Variants in ZNF516 observed in about 807,000 individuals in gnomAD.
ZNF516 encodes zinc finger protein 516.
ZNF516 carries 19 observed loss-of-function variants against 79.7 expected under a neutral mutation model. The ratio of observed to expected loss-of-function variants is 0.24; its 90% confidence interval spans 0.17 to 0.35. The LOEUF (loss-of-function observed/expected upper bound fraction) is 0.35, where lower values mean the gene tolerates loss of function less well. ZNF516 is among the 10% of genes least tolerant of loss of function. The probability of loss-of-function intolerance (pLI) is 1.00; values close to 1 mark genes in which losing one functional copy is unlikely to be tolerated. For synonymous variants in ZNF516, 877 were observed against 739.5 expected (o/e 1.19, Z -3.02); for missense variants, 1,678 against 1,679.5 (o/e 1.00, Z 0.02).
intron 3 of ZNF516, among the ~76,000 whole-genome samples, chr18:76,438,821 GA>G (rs760238610): frequency 7.2e-5 from 11 of 152,188 alleles, no homozygotes; most frequent in Non-Finnish European, 1.3e-4. Context: ...GGTATTACTG[GA>G]ATGGTCGCAT....
rs1437921239 is a variant in ZNF516, at chr18:76,459,291, G to A, written c.-158+3737C>T. 1.3e-5 allele frequency among the ~76,000 whole-genome samples: 2 copies of A among 152,180 alleles called. No individual in the cohort carries two copies. The highest frequency in any genetic ancestry group is 4.8e-5 in the African/African-American group (2 of 41,438). On this transcript the variant is annotated intron_variant, in intron 2 of 6. Coordinates refer to ENST00000443185, the MANE Select transcript of ZNF516 (RefSeq NM_014643.4). This position sits in a 1 kb window ranked among gnomAD's most constrained non-coding sequence, Gnocchi z 5.0. ...CTGCTGGAGGCACACTGGACCCAGT[G>A]CCAGCTCGGGAAATCCTGGGCCGGT... is the stretch of plus-strand genomic sequence containing the variant.
At chr18:76,405,940 G>C (rs1328637329) in intron 3 of ZNF516, among the ~76,000 whole-genome samples, 1 of 152,048 alleles carries the variant, frequency 6.6e-6, no homozygotes, top group African/African-American at 2.4e-5. Context: ...GCTTCTGCAC[G>C]GACTGATCAG....
At chr18:76,443,707 G>T (rs997839241) in intron 2 of ZNF516, among the ~76,000 whole-genome samples, 8 of 152,210 alleles carry the variant, frequency 5.3e-5, no homozygotes, top group African/African-American at 1.9e-4. Flanking sequence ...CTTAGCCAAT[G>T]GGATACGAGC....
In ZNF516 at chr18:76,492,687, A is replaced by G. The variant is rs184581367; in HGVS notation, c.-272+2457T>C. On this transcript the variant is annotated intron_variant, in intron 1 of 6. Transcript: ENST00000443185. ...CGTGCCCAGGCACCAAGGCCAGAGA[A>G]ACCGCACGTTTCGAGTCCCCAGTTG... 30 of 979,878 alleles carry G rather than the reference A, an allele frequency of 3.1e-5. No homozygotes were observed. In the East Asian group the frequency reaches 3.2e-3, roughly 104 times the overall value. The allele number at this position is 979,878 out of a possible 1,614,324, so 60.7% of individuals were successfully genotyped here.
chr18:76,395,832 G>A (rs956572278), intron 3 of ZNF516, among the ~76,000 whole-genome samples: 1 of 152,212 alleles, frequency 6.6e-6, no homozygotes, highest in Non-Finnish European at 1.5e-5. Context: ...GGCCGTGAGG[G>A]TGGGCCAGCC....
At chr18:76,448,437 C>T (rs910278308) in intron 2 of ZNF516, among the ~76,000 whole-genome samples, 25 of 152,208 alleles carry the variant, frequency 1.6e-4, no homozygotes, top group African/African-American at 4.3e-4. Flanking sequence ...TCCTGACACA[C>T]GCCCCGGTAA....
At chr18:76,460,825 C>G (rs1018138793) in intron 2 of ZNF516, among the ~76,000 whole-genome samples, 1 of 152,204 alleles carries the variant, frequency 6.6e-6, no homozygotes, top group East Asian at 1.9e-4. Context: ...ATGATCGCCT[C>G]GCTTGTTCAT....
chr18:76,388,475 G>A (rs2075023980), intron 3 of ZNF516: 3 of 152,234 alleles, frequency 2.0e-5, no homozygotes, highest in Admixed American at 1.3e-4. Flanking sequence ...GTCCCGCGAG[G>A]GGTCAGGGAA....
At chr18:76,396,294 G>C (rs192900655) in intron 3 of ZNF516, among the ~76,000 whole-genome samples, 2,439 of 152,128 alleles carry the variant, frequency 0.016, 66 homozygotes, top group African/African-American at 0.054. Context: ...TGATATAAAA[G>C]CAAACAGCCT....
At chr18:76,389,297 A>T (rs2075036722) in intron 3 of ZNF516, 1 of 151,924 alleles carries the variant, frequency 6.6e-6, no homozygotes, top group African/African-American at 2.4e-5. Context: ...AAAAAAAAAA[A>T]TCTCTGGGTG....
At chr18:76,374,892 A>C (rs1284103109) in intron 4 of ZNF516, among the ~76,000 whole-genome samples, 3 of 152,230 alleles carry the variant, frequency 2.0e-5, no homozygotes, top group Admixed American at 1.3e-4. Flanking sequence ...TTGTATAATA[A>C]GACACGTCAA....
intron 3 of ZNF516, among the ~76,000 whole-genome samples, chr18:76,424,211 ACT>A (rs200493169): frequency 3.3e-5 from 1 of 30,444 alleles, no homozygotes; most frequent in Non-Finnish European, 7.1e-5. Flanking sequence ...CGAAACACAC[ACT>A]CAGGTGAAAA....
At chr18:76,430,998 T>TA (rs1470666688) in intron 3 of ZNF516, among the ~76,000 whole-genome samples, 2 of 152,230 alleles carry the variant, frequency 1.3e-5, no homozygotes, top group African/African-American at 4.8e-5. Context: ...TTCTAACCTT[T>TA]AATCCAGAGA....
chr18:76,484,495 G>A (rs149374563), intron 1 of ZNF516, among the ~76,000 whole-genome samples: 1 of 152,092 alleles, frequency 6.6e-6, no homozygotes, highest in Admixed American at 6.5e-5. Flanking sequence ...AATGGCGGCC[G>A]CCCTAACCCC....
At chr18:76,461,642 A>T (rs987005274) in intron 2 of ZNF516, among the ~76,000 whole-genome samples, 1 of 152,230 alleles carries the variant, frequency 6.6e-6, no homozygotes, top group African/African-American at 2.4e-5. Context: ...ATCAGAAAAC[A>T]TACATCGGGT....
At position 76,459,455 on chromosome 18, in the gene ZNF516, G is replaced by A. The variant is rs937651316; in HGVS notation, c.-158+3573C>T. 3.3e-5 allele frequency among the ~76,000 whole-genome samples: 5 copies of A among 152,334 alleles called. No individual in the cohort carries two copies. Among genetic ancestry groups the A allele is most frequent in the South Asian group, 2.1e-4 (1 of 4,832 alleles). ...CTCCACTGCCGGCCAGGGAGGCCTC[G>A]CGTGCCAAGCTGGCCCTGAGCTCAG... On this transcript the variant is annotated intron_variant, in intron 2 of 6. Coordinates refer to ENST00000443185, the MANE Select transcript of ZNF516 (RefSeq NM_014643.4). The surrounding 1 kb of genome is among the most constrained non-coding windows in gnomAD (Gnocchi z 5.0).
Position 76,459,988 on chromosome 18 carries a change from A to C in ZNF516, c.-158+3040T>G, listed in dbSNP as rs759971077. On this transcript the variant is annotated intron_variant, in intron 2 of 6. Transcript: ENST00000443185. The surrounding 1 kb of genome is among the most constrained non-coding windows in gnomAD (Gnocchi z 5.0). ...CACTGCACTAGAATGCAGTCTTTTA[A>C]CCACTATCAACATACGCCAAGGAAT... Among the ~76,000 whole-genome samples the C allele has an allele frequency of 4.2e-4, 64 of 152,210 alleles. 2 individuals are homozygous for C. The highest frequency in any genetic ancestry group is 6.9e-4 in the Non-Finnish European group (47 of 68,032).
intron 3 of ZNF516, among the ~76,000 whole-genome samples, chr18:76,395,958 C>T (rs2075140498): frequency 6.6e-6 from 1 of 152,202 alleles, no homozygotes; most frequent in Non-Finnish European, 1.5e-5. Context: ...GGAAGCCCTG[C>T]CTTCTTCCCA....
chr18:76,366,657 C>T (rs573711402), intron 6 of ZNF516, among the ~76,000 whole-genome samples: 6 of 152,010 alleles, frequency 3.9e-5, no homozygotes, highest in East Asian at 3.9e-4. Flanking sequence ...GATGTGTTCA[C>T]GTGTGTGCTC....
Sources: allele counts gnomAD v4.1 joint callset (sites outside exome capture counted in the v4.1 genomes callset), GRCh38; gene constraint gnomAD v4.1.1; non-coding constraint Gnocchi (gnomAD v3.1); transcripts MANE v1.5; gene names NCBI Gene and HGNC (gene_info 2026-07-23, HGNC 2026-07-21).